Variants in RNF38 observed in about 807,000 individuals in gnomAD.
The protein encoded by RNF38 is E3 ubiquitin-protein ligase RNF38.
Under a neutral mutation model 67.2 loss-of-function variants are expected in RNF38, and 15 were observed. The ratio of observed to expected loss-of-function variants is 0.22; its 90% CI spans 0.15 to 0.34. RNF38 has a LOEUF of 0.34. Ranked by LOEUF, RNF38 falls within the 10% of genes least tolerant of loss-of-function variation. The pLI is 1.00. For missense variants in RNF38, 524 were observed against 639.9 expected, an observed-to-expected ratio of 0.82 and a Z score of 1.95; for synonymous variants, 220 against 218.8, an observed-to-expected ratio of 1.01 and a Z score of -0.05.
At chr9:36,466,420 A>G (rs1483540251) in intron 1 of RNF38, among the ~76,000 whole-genome samples, 1 of 152,230 alleles carries the variant, frequency 6.6e-6, no homozygotes, top group Non-Finnish European at 1.5e-5. Context: ...ATTTCGATAA[A>G]GCTGTTAAGA....
Position 36,375,157 on chromosome 9 carries a change from T to G in RNF38, c.356+777A>C, listed in dbSNP as rs150501993. On this transcript the variant is annotated intron_variant, in intron 3 of 11. Transcript: ENST00000259605. ...CATTGCCTAAAAGTTGAACTAAACT[T>G]GTCATCTTTTCATACCACGGGCTCC... Among the ~76,000 whole-genome samples, 65 of 152,294 alleles carry G rather than the reference T, an allele frequency of 4.3e-4. No homozygotes were observed. The Middle Eastern group carries it at 0.01, about 24-fold the overall frequency.
At position 36,414,360 on chromosome 9, in the gene RNF38, G is replaced by A. The variant is rs141346092; in HGVS notation, n.312+10253C>T. Among the ~76,000 whole-genome samples, 667 of 152,264 alleles carry A rather than the reference G, an allele frequency of 4.4e-3. 1 individual carries two copies. Among genetic ancestry groups the A allele is most frequent in the African/African-American group, 0.014 (577 of 41,536 alleles). On this transcript the variant is annotated intron_variant and non_coding_transcript_variant, in intron 2 of 3. Transcript: ENST00000488058. ...GGCCCCGTGAGATTTATGCTTTAAG[G>A]AGGTTCTATTTTGGTGTACTTTGAA... is the stretch of plus-strand genomic sequence containing the variant.
chr9:36,387,074 A>G (rs918618435), intron 2 of RNF38, among the ~76,000 whole-genome samples: 2 of 152,166 alleles, frequency 1.3e-5, no homozygotes, highest in African/African-American at 4.8e-5. Flanking sequence ...AATTGCTGGG[A>G]TTACAGGTGC....
intron 1 of RNF38, among the ~76,000 whole-genome samples, chr9:36,451,657 T>C (rs561343065): frequency 6.6e-6 from 1 of 151,356 alleles, no homozygotes; most frequent in Non-Finnish European, 1.5e-5. Context: ...TGTGCCACCA[T>C]GCCCAGCTAA....
At chr9:36,479,121 G>T (rs1003259737) in intron 1 of RNF38, among the ~76,000 whole-genome samples, 1 of 152,006 alleles carries the variant, frequency 6.6e-6, no homozygotes, top group Non-Finnish European at 1.5e-5. Flanking sequence ...TCCACTTTTG[G>T]TACTGTCTCC....
chr9:36,341,661 CAA>C (rs1250973227), intron 11 of RNF38, among the ~76,000 whole-genome samples: 1 of 151,700 alleles, frequency 6.6e-6, no homozygotes, highest in Non-Finnish European at 1.5e-5. Flanking sequence ...TGCTTGGGCC[CAA>C]GAGTTCCAGA....
upstream of RNF38, chr9:36,400,499 G>A: frequency 1.0e-6 from 1 of 1,002,722 alleles, no homozygotes; most frequent in East Asian, 1.0e-4. Context: ...GGCTCTCAAC[G>A]GCCCGCAGCC....
At chr9:36,453,168 G>C (rs1839500705) in intron 1 of RNF38, among the ~76,000 whole-genome samples, 1 of 152,042 alleles carries the variant, frequency 6.6e-6, no homozygotes, top group South Asian at 2.1e-4. Context: ...GTTGTTGTCT[G>C]TCTTCTATTA....
upstream of RNF38, among the ~76,000 whole-genome samples, chr9:36,402,850 CTTT>C (rs905928610): frequency 2.0e-5 from 3 of 150,346 alleles, no homozygotes; most frequent in Non-Finnish European, 4.4e-5. Context: ...ATTTCTTCTT[CTTT>C]TTTTATTTTT....
At chr9:36,349,797 G>A (rs766399146) in intron 9 of RNF38, among the ~76,000 whole-genome samples, 25 of 152,164 alleles carry the variant, frequency 1.6e-4, no homozygotes, top group Admixed American at 2.6e-4. Flanking sequence ...TAACTTTCAC[G>A]TATGGTGTAA....
intron 1 of RNF38, among the ~76,000 whole-genome samples, chr9:36,463,972 C>T (rs1452592983): frequency 1.3e-5 from 2 of 151,438 alleles, no homozygotes; most frequent in South Asian, 2.1e-4. Flanking sequence ...TAGAGACCAT[C>T]CTGGCTAACA....
chr9:36,341,785 T>C (rs1832850529), intron 11 of RNF38, among the ~76,000 whole-genome samples: 2 of 29,226 alleles, frequency 6.8e-5, no homozygotes, highest in African/African-American at 1.9e-4. Context: ...ACTGAGACCC[T>C]GTTTCAAAAT....
upstream of RNF38, among the ~76,000 whole-genome samples, chr9:36,402,113 G>A (rs1838058395): frequency 6.6e-6 from 1 of 152,204 alleles, no homozygotes; most frequent in Non-Finnish European, 1.5e-5. Flanking sequence ...CAAGTCTAGT[G>A]CCAGAAACAC....
chr9:36,433,537 C>T (rs1306329134), intron 1 of RNF38, among the ~76,000 whole-genome samples: 6 of 151,586 alleles, frequency 4.0e-5, no homozygotes, highest in South Asian at 2.1e-4. Flanking sequence ...GTCAGGAGTT[C>T]GAGATCAGGC....
At chr9:36,483,090 G>A (rs912440746) in intron 1 of RNF38, among the ~76,000 whole-genome samples, 120 of 152,134 alleles carry the variant, frequency 7.9e-4, no homozygotes, top group African/African-American at 2.6e-3. Flanking sequence ...CAGCAGCACC[G>A]TTAAGAAGTG....
chr9:36,388,468 T>C (rs1204165455), intron 2 of RNF38, among the ~76,000 whole-genome samples: 1 of 151,970 alleles, frequency 6.6e-6, no homozygotes, highest in East Asian at 1.9e-4. Context: ...TGATAAATAA[T>C]AGATATGACT....
At chr9:36,481,420 C>T (rs77037746) in intron 1 of RNF38, among the ~76,000 whole-genome samples, 7,650 of 152,224 alleles carry the variant, frequency 0.05, 596 homozygotes, top group African/African-American at 0.17. Flanking sequence ...TCAGCAGTCC[C>T]AAGAACAGCG....
rs1192240403 is a variant in RNF38, at chr9:36,426,164, T to TTTGTC, written n.242-1486_242-1482dup. Among the ~76,000 whole-genome samples, 3 of 152,356 alleles carry TTTGTC rather than the reference T, an allele frequency of 2.0e-5. No individual in the cohort carries two copies. In the South Asian group the frequency reaches 6.2e-4, roughly 32 times the overall value. On this transcript the variant is annotated intron_variant and non_coding_transcript_variant, in intron 1 of 3. Transcript: ENST00000488058. ...TCTTTCAGAATCGGATTTGTTTTGT[T>TTTGTC]TTGTCTTGTTTTAAACAAAATTAGA...
At chr9:36,369,686 C>A in intron 4 of RNF38, 33 bp downstream of exon 4, 3 of 1,469,402 alleles carry the variant, frequency 2.0e-6, no homozygotes, top group Admixed American at 2.4e-5. Flanking sequence ...AAAATTTCAG[C>A]TTCTGTATTT....
Sources: gnomAD v4.1 joint callset for allele counts (sites outside exome capture counted in the v4.1 genomes callset) on GRCh38, gnomAD v4.1.1 for gene constraint, MANE v1.5 for transcripts, NCBI Gene and HGNC (gene_info 2026-07-23, HGNC 2026-07-21) for gene names.